Variants in GPC6 observed in about 807,000 individuals in gnomAD.
GPC6 encodes the protein glypican-6.
A neutral mutation model predicts 55.2 loss-of-function variants in GPC6; 14 were observed. That is an observed-to-expected ratio of 0.25 (90% CI 0.17 to 0.40). The LOEUF (loss-of-function observed/expected upper bound fraction) is 0.40, where lower values mean the gene tolerates loss of function less well. Ranked by LOEUF, GPC6 falls within the 10% of genes least tolerant of loss-of-function variation. The pLI is 1.00. For synonymous variants in GPC6, 278 were observed against 259.6 expected, an observed-to-expected ratio of 1.07 and a Z score of -0.68; for missense variants, 641 against 708.5, an observed-to-expected ratio of 0.90 and a Z score of 1.08.
intron 6 of GPC6, among the ~76,000 whole-genome samples, chr13:94,348,576 T>G (rs151025865): frequency 2.6e-5 from 4 of 152,302 alleles, no homozygotes; most frequent in African/African-American, 9.6e-5. Flanking sequence ...CAACCTGGAA[T>G]TTCTTCCCTT....
At chr13:94,139,790 A>T (rs1485414775) in intron 4 of GPC6, among the ~76,000 whole-genome samples, 1 of 152,166 alleles carries the variant, frequency 6.6e-6, no homozygotes, top group Non-Finnish European at 1.5e-5. Flanking sequence ...GCTTCTACTG[A>T]CTAGCAAGAC....
intron 1 of GPC6, among the ~76,000 whole-genome samples, chr13:93,353,447 C>G (rs139713733): frequency 6.6e-6 from 1 of 152,218 alleles, no homozygotes; most frequent in Non-Finnish European, 1.5e-5. Flanking sequence ...TGGTGTCCCT[C>G]GATGAGCATC....
At chr13:93,347,975 A>G (rs1033549805) in intron 1 of GPC6, among the ~76,000 whole-genome samples, 1 of 152,202 alleles carries the variant, frequency 6.6e-6, no homozygotes, top group Admixed American at 6.5e-5. Flanking sequence ...GCCTTCCCCA[A>G]GTAAAGATCC....
chr13:93,396,556 A>G (rs1029686129), intron 1 of GPC6, among the ~76,000 whole-genome samples: 2 of 151,740 alleles, frequency 1.3e-5, no homozygotes, highest in Non-Finnish European at 2.9e-5. Flanking sequence ...CAACAGAGCA[A>G]GACTCCATCT....
intron 1 of GPC6, among the ~76,000 whole-genome samples, chr13:93,234,694 G>GAGAGAGAGAGAGTGCA (rs1555336410): frequency 0.055 from 8,320 of 151,436 alleles, 244 homozygotes; most frequent in Non-Finnish European, 0.065. Flanking sequence ...GTGTGAGAGA[G>GAGAGAGAGAGAGTGCA]AGAGAGAGAG....
chr13:93,676,443 T>A (rs1566482027), intron 2 of GPC6, among the ~76,000 whole-genome samples: 1 of 151,234 alleles, frequency 6.6e-6, no homozygotes, highest in Non-Finnish European at 1.5e-5. Flanking sequence ...AAAAATAGAA[T>A]AAAAAAATAA....
At chr13:93,394,180 T>G (rs2139222265) in intron 1 of GPC6, among the ~76,000 whole-genome samples, 1 of 152,364 alleles carries the variant, frequency 6.6e-6, no homozygotes, top group East Asian at 1.9e-4. Context: ...AAATATCATT[T>G]TCTTTCTTGT....
intron 3 of GPC6, among the ~76,000 whole-genome samples, chr13:93,853,498 A>C (rs948180582): frequency 7.9e-5 from 12 of 151,696 alleles, no homozygotes; most frequent in African/African-American, 2.9e-4. Flanking sequence ...AAATTGTTCT[A>C]ATAGACCGTT....
chr13:94,204,453 A>G (rs1008581647), intron 4 of GPC6, among the ~76,000 whole-genome samples: 1 of 152,304 alleles, frequency 6.6e-6, no homozygotes, highest in African/African-American at 2.4e-5. Context: ...TCAATAAACC[A>G]TTCCTCTATA....
intron 1 of GPC6, among the ~76,000 whole-genome samples, chr13:93,523,102 T>TAC (rs1285602123): frequency 2.0e-5 from 3 of 150,942 alleles, no homozygotes; most frequent in Non-Finnish European, 4.4e-5. Context: ...TATGACATTT[T>TAC]ACACACACGT....
chr13:94,098,988 T>G (rs1422804417), intron 4 of GPC6, among the ~76,000 whole-genome samples: 2 of 152,130 alleles, frequency 1.3e-5, no homozygotes, highest in Admixed American at 6.5e-5. Context: ...GCAGTCTACA[T>G]GAATGCATGA....
chr13:93,496,045 G>T (rs1181464811), intron 1 of GPC6, among the ~76,000 whole-genome samples: 2 of 152,024 alleles, frequency 1.3e-5, no homozygotes, highest in Non-Finnish European at 2.9e-5. Context: ...GCTGTGGTGG[G>T]CTCCACCCAG....
chr13:93,468,512 A>G (rs1332016877), intron 1 of GPC6, among the ~76,000 whole-genome samples: 1 of 131,110 alleles, frequency 7.6e-6, no homozygotes, highest in African/African-American at 2.7e-5. Context: ...GGAGTTTAAA[A>G]GAAATACTTT....
intron 2 of GPC6, among the ~76,000 whole-genome samples, chr13:93,570,090 G>C (rs1876331430): frequency 6.6e-6 from 1 of 152,082 alleles, no homozygotes; most frequent in African/African-American, 2.4e-5. Flanking sequence ...CAGAGTTTTA[G>C]AGAAAGCTTG....
At chr13:93,811,330 A>G (rs1286620778) in intron 2 of GPC6, among the ~76,000 whole-genome samples, 1 of 152,148 alleles carries the variant, frequency 6.6e-6, no homozygotes, top group African/African-American at 2.4e-5. Context: ...AACAAAACTA[A>G]TTTCCCTCTT....
chr13:94,337,470 TGGAGTC>T (rs1566691007), intron 6 of GPC6, among the ~76,000 whole-genome samples: 1 of 151,442 alleles, frequency 6.6e-6, no homozygotes, highest in African/African-American at 2.4e-5. Flanking sequence ...TTTTTTGAGG[TGGAGTC>T]TCCCTCTTTC....
At chr13:93,831,334 T>G (rs1317783733) in intron 3 of GPC6, among the ~76,000 whole-genome samples, 1 of 152,178 alleles carries the variant, frequency 6.6e-6, no homozygotes, top group East Asian at 1.9e-4. Flanking sequence ...AGTTCTTTCT[T>G]GACATTTAAG....
At chr13:93,369,663 TGA>T (rs1420967316) in intron 1 of GPC6, among the ~76,000 whole-genome samples, 4 of 152,152 alleles carry the variant, frequency 2.6e-5, no homozygotes, top group African/African-American at 9.6e-5. Context: ...AAAAGTATGC[TGA>T]GTTTGTTCAC....
chr13:94,162,519 C>A (rs2138915375), intron 4 of GPC6, among the ~76,000 whole-genome samples: 1 of 152,294 alleles, frequency 6.6e-6, no homozygotes, highest in South Asian at 2.1e-4. Flanking sequence ...TGTTGGCTGG[C>A]TCACAACAGT....
Sources: allele counts gnomAD v4.1 joint callset (sites outside exome capture counted in the v4.1 genomes callset), GRCh38; gene constraint gnomAD v4.1.1; transcripts MANE v1.5; gene names NCBI Gene and HGNC (gene_info 2026-07-23, HGNC 2026-07-21).